The following GARNL3 variants were observed in gnomAD, a reference collection of about 807,000 sequenced individuals.
GARNL3 encodes GTPase activating Rap/RanGAP domain like 3, also known as GTPase-activating Rap/Ran-GAP domain-like protein 3.
A neutral mutation model predicts 125.0 loss-of-function variants in GARNL3; 63 were observed. The ratio of observed to expected loss-of-function variants is 0.50; its 90% CI spans 0.41 to 0.62. The LOEUF is 0.62. Ranked by LOEUF, GARNL3 falls within the 20% of genes least tolerant of loss-of-function variation. GARNL3 has a pLI of 0.00. For missense variants in GARNL3, 994 were observed against 1,244.0 expected (o/e 0.80, Z 3.02); for synonymous variants, 439 against 457.5 (o/e 0.96, Z 0.52).
chr9:127,257,606 C>G (rs1272466785), intron 2 of GARNL3, among the ~76,000 whole-genome samples: 2 of 152,162 alleles, frequency 1.3e-5, no homozygotes, highest in Admixed American at 1.3e-4. Flanking sequence ...CACACCGATT[C>G]TGTAGGAGGT....
At chr9:127,358,271 C>T (rs535521165) in intron 21 of GARNL3, among the ~76,000 whole-genome samples, 64 of 152,344 alleles carry the variant, frequency 4.2e-4, no homozygotes, top group African/African-American at 1.5e-3. Context: ...TTTCAGCCCA[C>T]GTATGTATCT....
intron 22 of GARNL3, among the ~76,000 whole-genome samples, chr9:127,380,574 A>G (rs1832195357): frequency 6.6e-6 from 1 of 152,238 alleles, no homozygotes; most frequent in African/African-American, 2.4e-5. Flanking sequence ...AACAAAATGT[A>G]GGCTATTCAT....
intron 21 of GARNL3, chr9:127,363,614 G>A (rs1831129142): frequency 6.5e-6 from 1 of 152,724 alleles, no homozygotes; most frequent in African/African-American, 2.4e-5. Flanking sequence ...AGGGCCAGTG[G>A]GAGGAGCACA....
intron 21 of GARNL3, among the ~76,000 whole-genome samples, chr9:127,359,484 G>A (rs1329173918): frequency 1.5e-5 from 2 of 133,566 alleles, no homozygotes; most frequent in African/African-American, 2.7e-5. Flanking sequence ...GTGAGACTCC[G>A]TCTCCAAAAA....
chr9:127,295,513 A>G (rs2064561620), intron 2 of GARNL3, among the ~76,000 whole-genome samples: 1 of 152,106 alleles, frequency 6.6e-6, no homozygotes, highest in Non-Finnish European at 1.5e-5. Context: ...TCTCACACCG[A>G]CTACCTGGAG....
intron 6 of GARNL3, among the ~76,000 whole-genome samples, chr9:127,322,421 T>C (rs966167127): frequency 5.9e-5 from 9 of 152,088 alleles, no homozygotes; most frequent in Non-Finnish European, 8.8e-5. Context: ...AAAAAAAAGA[T>C]ATAGCAGCAT....
intron 22 of GARNL3, among the ~76,000 whole-genome samples, chr9:127,377,558 G>A (rs1831987719): frequency 6.6e-6 from 1 of 152,114 alleles, no homozygotes; most frequent in East Asian, 1.9e-4. Context: ...AGGCTAAGGC[G>A]GGCAGATCAC....
At chr9:127,239,698 T>G (rs945858814) in intron 1 of GARNL3, among the ~76,000 whole-genome samples, 1 of 152,072 alleles carries the variant, frequency 6.6e-6, no homozygotes, top group Non-Finnish European at 1.5e-5. Context: ...TGTCAGAAGG[T>G]TAAGAGGAAC....
intron 7 of GARNL3, among the ~76,000 whole-genome samples, chr9:127,326,181 C>T (rs1218620065): frequency 1.3e-5 from 2 of 152,212 alleles, no homozygotes; most frequent in Non-Finnish European, 2.9e-5. Flanking sequence ...TACACCCTGC[C>T]TGTCACCCTT....
At chr9:127,237,241 G>T (rs2063128997) in intron 1 of GARNL3, among the ~76,000 whole-genome samples, 1 of 152,216 alleles carries the variant, frequency 6.6e-6, no homozygotes, top group Admixed American at 6.5e-5. Context: ...GACCCATGCT[G>T]CCGACTCTGC....
chr9:127,335,352 A>C lies in GARNL3; in HGVS notation c.873+19A>C, dbSNP rs754439620. ...ACAGCAGGTACATGTGAACATACAA[A>C]CCATCAAATAGTGATGTGAATGTGG... On this transcript the variant is annotated intron_variant, in intron 10 of 27. Transcript: ENST00000373387. 3 of 1,527,342 alleles carry C rather than the reference A, an allele frequency of 2.0e-6. No individual in the cohort carries two copies. Among genetic ancestry groups the C allele is most frequent in the Non-Finnish European group, 2.7e-6 (3 of 1,100,752 alleles). 94.6% of individuals were successfully genotyped at this position (1,527,342 alleles called of 1,614,324 possible).
At chr9:127,229,898 GCAACT>G (rs2062972947) in intron 1 of GARNL3, among the ~76,000 whole-genome samples, 1 of 152,176 alleles carries the variant, frequency 6.6e-6, no homozygotes, top group South Asian at 2.1e-4. Flanking sequence ...TTTCACTTTG[GCAACT>G]CTGTTGGCTA....
Position 127,392,955 on chromosome 9 carries a change from A to C in GARNL3, c.2871-128A>C. The C allele has an allele frequency of 1.4e-6, 1 of 721,870 alleles. No homozygotes were observed. Among genetic ancestry groups the C allele is most frequent in the South Asian group, 2.3e-5 (1 of 43,022 alleles). The allele number at this position is 721,870 out of a possible 1,614,324, so 44.7% of individuals were successfully genotyped here. ...GGCATTCCAGCACTTCCCCACCTCT[A>C]CCACATAACAGTGAGGGTTTGGTGA... On this transcript the variant is annotated intron_variant, in intron 27 of 27. Transcript: ENST00000373387. The surrounding 1 kb of genome is among the most constrained non-coding windows in gnomAD (Gnocchi z 5.2).
At position 127,325,195 on chromosome 9, in the gene GARNL3, C is replaced by G; in HGVS notation, c.594+100C>G. Reference sequence around the variant, plus strand: ...ACCCAGCCTTTGCTTTCAGCCAAATCTCCATGTAGATTTGCACAGTGGGAC... The same window carrying G: ...ACCCAGCCTTTGCTTTCAGCCAAATGTCCATGTAGATTTGCACAGTGGGAC... On this transcript the variant is annotated intron_variant, in intron 7 of 27. Coordinates refer to ENST00000373387, the MANE Select transcript of GARNL3 (RefSeq NM_032293.5). 6 of 1,179,296 alleles carry G rather than the reference C, an allele frequency of 5.1e-6. No homozygotes were observed. In the South Asian group the frequency reaches 7.6e-5, roughly 15 times the overall value. The allele number at this position is 1,179,296 out of a possible 1,614,324, so 73.1% of individuals were successfully genotyped here.
intron 2 of GARNL3, among the ~76,000 whole-genome samples, chr9:127,306,681 C>G (rs556041657): frequency 6.6e-6 from 1 of 150,962 alleles, no homozygotes; most frequent in Admixed American, 6.6e-5. Context: ...GAGTCTAGAT[C>G]GCGCCACTCT....
intron 22 of GARNL3, among the ~76,000 whole-genome samples, chr9:127,375,801 C>T (rs894470628): frequency 2.0e-5 from 3 of 152,184 alleles, no homozygotes; most frequent in African/African-American, 7.2e-5. Context: ...GTCACTCACT[C>T]TGGAGAAGCC....
At chr9:127,284,920 A>G (rs886960557) in intron 1 of GARNL3, among the ~76,000 whole-genome samples, 6 of 152,088 alleles carry the variant, frequency 3.9e-5, no homozygotes, top group Non-Finnish European at 8.8e-5. Context: ...ATCATGGCAC[A>G]CTATATCACT....
upstream of GARNL3, among the ~76,000 whole-genome samples, chr9:127,260,441 A>G (rs529137289): frequency 6.6e-6 from 1 of 152,338 alleles, no homozygotes; most frequent in Admixed American, 6.5e-5. Context: ...TCTGAGGAAC[A>G]TGTCCTCTGA....
intron 1 of GARNL3, among the ~76,000 whole-genome samples, chr9:127,284,492 C>A (rs2064189665): frequency 1.3e-5 from 2 of 151,920 alleles, no homozygotes; most frequent in African/African-American, 4.8e-5. Flanking sequence ...TTTATAATTT[C>A]TGCTCTGATC....
Sources: allele counts gnomAD v4.1 joint callset (sites outside exome capture counted in the v4.1 genomes callset), GRCh38; gene constraint gnomAD v4.1.1; non-coding constraint Gnocchi (gnomAD v3.1); transcripts MANE v1.5; gene names NCBI Gene and HGNC (gene_info 2026-07-23, HGNC 2026-07-21).